SRPK1: variants seen among roughly 807,000 people sequenced by gnomAD.
SRPK1 encodes the protein SFRS protein kinase 1.
In SRPK1, 52 loss-of-function variants were observed where a neutral mutation model predicts 89.5. That is an observed-to-expected ratio of 0.58 (90% CI 0.46 to 0.73). The LOEUF is 0.73. Ranked by LOEUF, SRPK1 falls within the 30% of genes least tolerant of loss-of-function variation. SRPK1 has a pLI of 0.00. For missense variants in SRPK1, 603 were observed against 780.6 expected (o/e 0.77, Z 2.71); for synonymous variants, 255 against 270.2 (o/e 0.94, Z 0.55).
At chr6:35,888,687 C>A in intron 4 of SRPK1, 128 bp downstream of exon 4, 1 of 642,570 alleles carries the variant, frequency 1.6e-6, no homozygotes, top group Non-Finnish European at 2.7e-6. Context: ...GAGACTATTG[C>A]CAACAACAAA....
At chr6:35,842,629 T>C (rs1769335804) in intron 13 of SRPK1, 25 bp from the exon 14 acceptor site, 1 of 1,573,904 alleles carries the variant, frequency 6.4e-7, no homozygotes, top group Non-Finnish European at 8.6e-7. Context: ...GGACAGTATA[T>C]GAAAGCACAA....
chr6:35,845,127 G>A (rs1463493709), intron 13 of SRPK1, among the ~76,000 whole-genome samples: 1 of 152,174 alleles, frequency 6.6e-6, no homozygotes, highest in Non-Finnish European at 1.5e-5. Context: ...GCCAGCGAGT[G>A]GGGGACGGGA....
At chr6:35,911,053 A>G (rs75191986) in intron 2 of SRPK1, among the ~76,000 whole-genome samples, 3,065 of 152,340 alleles carry the variant, frequency 0.02, 104 homozygotes, top group African/African-American at 0.069. Context: ...TCAAGGAGTC[A>G]TTTCAACTTT....
chr6:35,892,862 T>G (rs541173145), intron 2 of SRPK1, among the ~76,000 whole-genome samples: 8 of 152,338 alleles, frequency 5.3e-5, no homozygotes, highest in African/African-American at 1.7e-4. Flanking sequence ...AACATTTTAA[T>G]AGAAAAACCA....
chr6:35,840,844 G>A (rs1470030525), intron 14 of SRPK1, among the ~76,000 whole-genome samples: 2 of 152,134 alleles, frequency 1.3e-5, no homozygotes, highest in African/African-American at 2.4e-5. Flanking sequence ...TTGACCTAAG[G>A]ACTATTAGTA....
intron 14 of SRPK1, 46 bp downstream of exon 14, chr6:35,842,489 A>C (rs1406465677): frequency 2.0e-6 from 3 of 1,471,748 alleles, no homozygotes; most frequent in Non-Finnish European, 2.8e-6. Flanking sequence ...CTTAATGTGG[A>C]AAGTGTAAAT....
intron 13 of SRPK1, among the ~76,000 whole-genome samples, chr6:35,851,323 C>T (rs372423114): frequency 1.6e-4 from 25 of 151,882 alleles, no homozygotes; most frequent in Admixed American, 5.2e-4. Context: ...TTCAGTTGCA[C>T]GCCACCACCC....
At chr6:35,907,831 TC>T (rs147006748) in intron 2 of SRPK1, among the ~76,000 whole-genome samples, 10,941 of 152,222 alleles carry the variant, frequency 0.072, 1,156 homozygotes, top group African/African-American at 0.23. Context: ...CAAATTGTAA[TC>T]CCCACATCAG....
In SRPK1 at chr6:35,869,690, T is replaced by C; in HGVS notation, c.1203A>G (p.Gln401=). 7 of 1,613,940 alleles carry C rather than the reference T, an allele frequency of 4.3e-6. No homozygotes were observed. Among genetic ancestry groups the C allele is most frequent in the Non-Finnish European group, 5.9e-6 (7 of 1,179,814 alleles). The stretch of plus-strand genomic sequence containing the variant: ...CTTGAGATGTGCTGCTGTCTCCATT[T>C]TGGGAGCTTAGGAAACTAGATTCCT... The part of the protein sequence containing the change: ...LNQESSFLSS[Q]NGDSSTSQET... The change falls in exon 11 of 16, where the codon CAA becomes CAG. Residue 401 remains glutamine, a synonymous_variant. Coordinates refer to ENST00000373825, the MANE Select transcript of SRPK1 (RefSeq NM_003137.5).
rs748675506 is a variant in SRPK1 at position 35,857,279 on chromosome 6, A to C, written c.1602T>G (p.Ile534Met). 12 of 1,612,744 alleles carry C rather than the reference A, an allele frequency of 7.4e-6. No homozygotes were observed. The highest frequency in any genetic ancestry group is 1.1e-5 in the South Asian group (1 of 90,746). Residue 534 changes from isoleucine (I) to methionine (M), a missense_variant, in exon 13 of 16, where the codon ATT becomes ATG. Ile to Met is a conservative substitution (Grantham distance 10). Transcript: ENST00000373825. The part of the protein sequence containing the change: ...IGSGYNTPAD[I>M]WSTACMAFEL... ...ACATTACCATGCATGCCGTGCTCCA[A>C]ATGTCAGCAGGGGTATTATAGCCAG...
Position 35,842,518 on chromosome 6 carries a change from T to A in SRPK1, c.1690+17A>T, listed in dbSNP as rs752670748. The A allele has an allele frequency of 1.1e-5, 18 of 1,601,056 alleles. No individual in the cohort carries two copies. The South Asian group carries it at 2.0e-4, about 18-fold the overall frequency. On this transcript the variant is annotated intron_variant, in intron 14 of 15. Transcript: ENST00000373825. ...TGTAAATACCACGCACACACATCCA[T>A]GGTTAAGGGGACTCACCTTCATCTC...
intron 2 of SRPK1, among the ~76,000 whole-genome samples, chr6:35,913,805 G>A (rs201437173): frequency 1.0e-3 from 142 of 140,364 alleles, no homozygotes; most frequent in Middle Eastern, 3.6e-3. Context: ...CTCAAAAAAA[G>A]AAAAAAAAAT....
intron 8 of SRPK1, among the ~76,000 whole-genome samples, chr6:35,871,715 A>C (rs187853660): frequency 2.6e-5 from 4 of 152,306 alleles, no homozygotes; most frequent in Admixed American, 2.6e-4. Context: ...TCAAAAGAAA[A>C]AAAATCATAA....
At chr6:35,908,838 G>A (rs1183169921) in intron 2 of SRPK1, among the ~76,000 whole-genome samples, 1 of 152,210 alleles carries the variant, frequency 6.6e-6, no homozygotes, top group Non-Finnish European at 1.5e-5. Context: ...GGTACAGCTT[G>A]GGCCATTGCT....
chr6:35,908,909 C>A lies in SRPK1; in HGVS notation c.74+11559G>T, dbSNP rs1770902986. Among the ~76,000 whole-genome samples, 3 of 152,326 alleles carry A rather than the reference C, an allele frequency of 2.0e-5. No individual in the cohort carries two copies. The South Asian group carries it at 6.2e-4, about 32-fold the overall frequency. ...ACGTGGTGTTGGGCCTGCAGGTGCA[C>A]AGAAGTCAATAATTGAATCTCTGTC... On this transcript the variant is annotated intron_variant, in intron 2 of 15. Coordinates refer to ENST00000373825, the MANE Select transcript of SRPK1 (RefSeq NM_003137.5).
At chr6:35,918,182 A>C (rs1234187851) in intron 2 of SRPK1, among the ~76,000 whole-genome samples, 4 of 151,098 alleles carry the variant, frequency 2.6e-5, no homozygotes, top group Non-Finnish European at 5.9e-5. Flanking sequence ...AAAGAAAAGA[A>C]AGACAGAAAG....
At chr6:35,846,837 A>G (rs565212798) in intron 13 of SRPK1, among the ~76,000 whole-genome samples, 3 of 152,348 alleles carry the variant, frequency 2.0e-5, no homozygotes, top group Non-Finnish European at 2.9e-5. Context: ...TACCAAACAT[A>G]TAACGAAGAA....
At chr6:35,892,095 T>C (rs6929955) in intron 2 of SRPK1, among the ~76,000 whole-genome samples, 9,768 of 152,254 alleles carry the variant, frequency 0.064, 927 homozygotes, top group African/African-American at 0.21. Context: ...CCCAAAAAGG[T>C]TGTACTAAGT....
At chr6:35,899,356 T>C (rs1205220273) in intron 2 of SRPK1, among the ~76,000 whole-genome samples, 1 of 152,112 alleles carries the variant, frequency 6.6e-6, no homozygotes, top group Non-Finnish European at 1.5e-5. Flanking sequence ...TCCTTGACTT[T>C]CCTATATGAA....
Sources: gnomAD v4.1 joint callset for allele counts (sites outside exome capture counted in the v4.1 genomes callset) on GRCh38, gnomAD v4.1.1 for gene constraint, MANE v1.5 for transcripts, NCBI Gene and HGNC (gene_info 2026-07-23, HGNC 2026-07-21) for gene names.